IRF5: variants seen among roughly 807,000 people sequenced by gnomAD.
IRF5 encodes interferon regulatory factor 5.
Under a neutral mutation model 55.1 loss-of-function variants are expected in IRF5, and 24 were observed. The observed-to-expected ratio is 0.44, with a 90% CI of 0.32 to 0.61. IRF5 has a LOEUF of 0.61. IRF5 is among the 20% of genes least tolerant of loss of function. The pLI, the probability that IRF5 is intolerant of heterozygous loss-of-function variation, is 0.07. For missense variants in IRF5, 499 were observed against 658.5 expected (o/e 0.76, Z 2.65); for synonymous variants, 258 against 260.2 (o/e 0.99, Z 0.08).
chr7:128,947,363 G>C lies in IRF5; in HGVS notation c.615G>C (p.Val205=). 6.8e-6 allele frequency: 11 copies of C among 1,609,560 alleles called. No homozygotes were observed. Among genetic ancestry groups the C allele is most frequent in the Non-Finnish European group, 9.3e-6 (11 of 1,178,478 alleles). The change falls in exon 6 of 9, where the codon GTG becomes GTC. Residue 205 remains valine (V), a synonymous_variant. Transcript: ENST00000357234. The surrounding 1 kb of genome is among the most constrained non-coding windows in gnomAD (Gnocchi z 6.5). The stretch of plus-strand genomic sequence containing the variant: ...CGCCCACTCTGCAGCCGCCCGTGGT[G>C]CTGGGTCCCCCTGCTCCAGACCCCA... ...LQPPTLQPPV[V]LGPPAPDPSP...
rs752506510 is a variant in IRF5 at position 128,948,668 on chromosome 7, C to T, written c.1395C>T (p.Asp465=). Residue 465 remains aspartate (D), a synonymous_variant, in exon 9 of 9, where the codon GAC becomes GAT. Transcript: ENST00000357234. The surrounding 1 kb of genome is among the most constrained non-coding windows in gnomAD (Gnocchi z 4.6). ...DSIRLQISNP[D]LKDRMVEQFK... is the part of the protein sequence containing the mutation. ...TCCGGCTACAGATCTCAAACCCAGACCTCAAAGACCGCATGGTGGAGCAAT... is the reference window on the plus strand; with the variant it reads ...TCCGGCTACAGATCTCAAACCCAGATCTCAAAGACCGCATGGTGGAGCAAT... The T allele has an allele frequency of 6.8e-6, 11 of 1,614,094 alleles. No individual in the cohort carries two copies. The South Asian group carries it at 1.1e-4, about 16-fold the overall frequency.
Position 128,946,929 on chromosome 7 carries a change from C to T in IRF5, c.448-94C>T. The T allele has an allele frequency of 6.7e-7, 1 of 1,497,646 alleles. No homozygotes were observed. Among genetic ancestry groups the T allele is most frequent in the Non-Finnish European group, 9.3e-7 (1 of 1,076,432 alleles). The allele number at this position is 1,497,646 out of a possible 1,614,324, so 92.8% of individuals were successfully genotyped here. On this transcript the variant is annotated intron_variant, in intron 4 of 8. Transcript: ENST00000357234. The surrounding 1 kb of genome is among the most constrained non-coding windows in gnomAD (Gnocchi z 4.2). Reference sequence around the variant, plus strand: ...AGGCTAGGGGAGTTGCCTCATAGTTCTCGCCTGTTATTTCCCCAGCCCCAG... The same window carrying T: ...AGGCTAGGGGAGTTGCCTCATAGTTTTCGCCTGTTATTTCCCCAGCCCCAG...
In IRF5 at chr7:128,947,846, T is replaced by G. The variant is rs1585308306; in HGVS notation, c.905T>G (p.Val302Gly). Residue 302 changes from valine (V) to glycine (G), a missense_variant, in exon 7 of 9, where the codon GTG (valine) becomes GGG (glycine). Val to Gly is a moderately radical substitution (Grantham distance 109, BLOSUM62 -3). Coordinates refer to ENST00000357234, the MANE Select transcript of IRF5 (RefSeq NM_001098629.3). The surrounding 1 kb of genome is among the most constrained non-coding windows in gnomAD (Gnocchi z 6.5). ...CAGCTGGAGGCCACCCAGGAGCAGG[T>G]GGAACTCTTCGGCCCCATAAGCCTG... The part of the protein sequence containing the change: ...YSQLEATQEQ[V>G]ELFGPISLEQ... 6.2e-7 allele frequency: 1 copy of G among 1,613,842 alleles called. No individual in the cohort carries two copies. Among genetic ancestry groups the G allele is most frequent in the Non-Finnish European group, 8.5e-7 (1 of 1,179,954 alleles).
chr7:128,947,125 A>AG lies in IRF5; in HGVS notation c.481+74dup. On this transcript the variant is annotated intron_variant, in intron 5 of 8. Transcript: ENST00000357234. This position sits in a 1 kb window ranked among gnomAD's most constrained non-coding sequence, Gnocchi z 6.5. ...GCTATAGGTACCATAGGTACCTGGA[A>AG]GGGGGCTGATGGGAGGCTAGGGTGG... is the stretch of plus-strand genomic sequence containing the variant. 1 of 1,613,444 alleles carries AG rather than the reference A, an allele frequency of 6.2e-7. No individual in the cohort carries two copies. The highest frequency in any genetic ancestry group is 8.5e-7 in the Non-Finnish European group (1 of 1,179,552).
rs201659973 is a variant in IRF5, at chr7:128,947,371, C to T, written c.623C>T (p.Pro208Leu). Residue 208 changes from proline to leucine, a missense_variant, in exon 6 of 9, where the codon CCC becomes CTC. Pro to Leu is a moderately conservative substitution (Grantham distance 98). Transcript: ENST00000357234. The surrounding 1 kb of genome is among the most constrained non-coding windows in gnomAD (Gnocchi z 6.5). ...PTLQPPVVLG[P>L]PAPDPSPLAP... ...CTGCAGCCGCCCGTGGTGCTGGGTCCCCCTGCTCCAGACCCCAGCCCCCTG... is the reference window on the plus strand; with the variant it reads ...CTGCAGCCGCCCGTGGTGCTGGGTCTCCCTGCTCCAGACCCCAGCCCCCTG... 94 of 1,610,170 alleles carry T rather than the reference C, an allele frequency of 5.8e-5. No homozygotes were observed. In the African/African-American group the frequency reaches 9.8e-4, roughly 17 times the overall value.
At position 128,947,831 on chromosome 7, in the gene IRF5, C is replaced by A. The variant is rs1226564674; in HGVS notation, c.890C>A (p.Ala297Asp). The change falls in exon 7 of 9, where the codon GCC (alanine) becomes GAC (aspartate). Residue 297 changes from alanine to aspartate, a missense_variant. By Grantham distance (126) the Ala-to-Asp change is moderately radical (BLOSUM62 -2). Around this residue, in one of 2 missense-constraint regions of IRF5, gnomAD observed 194 missense variants for 318.3 expected, o/e 0.61. Transcript: ENST00000357234. This position sits in a 1 kb window ranked among gnomAD's most constrained non-coding sequence, Gnocchi z 6.5. ...CGGCTCTTCTACAGCCAGCTGGAGG[C>A]CACCCAGGAGCAGGTGGAACTCTTC... is the stretch of plus-strand genomic sequence containing the variant. ...GCRLFYSQLE[A>D]TQEQVELFGP... 1 of 1,613,910 alleles carries A rather than the reference C, an allele frequency of 6.2e-7. No homozygotes were observed. The highest frequency in any genetic ancestry group is 8.5e-7 in the Non-Finnish European group (1 of 1,179,954).
Position 128,947,375 on chromosome 7 carries a change from T to G in IRF5, c.627T>G (p.Pro209=), listed in dbSNP as rs1334430290. The change falls in exon 6 of 9, where the codon CCT becomes CCG. Residue 209 remains proline, a synonymous_variant. Coordinates refer to ENST00000357234, the MANE Select transcript of IRF5 (RefSeq NM_001098629.3). The surrounding 1 kb of genome is among the most constrained non-coding windows in gnomAD (Gnocchi z 6.5). ...AGCCGCCCGTGGTGCTGGGTCCCCC[T>G]GCTCCAGACCCCAGCCCCCTGGCTC... The part of the protein sequence containing the change: ...TLQPPVVLGP[P]APDPSPLAPP... 6.2e-7 allele frequency: 1 copy of G among 1,610,266 alleles called. No homozygotes were observed. Among genetic ancestry groups the G allele is most frequent in the African/African-American group, 1.3e-5 (1 of 74,826 alleles).
rs779108354 is a variant in IRF5, at chr7:128,946,512, C to T, written c.397C>T (p.Pro133Ser). The T allele has an allele frequency of 6.2e-7, 1 of 1,608,294 alleles. No homozygotes were observed. The highest frequency in any genetic ancestry group is 1.1e-5 in the South Asian group (1 of 89,440). ...TCCCTGCTGTGCAGACTCCCAGCCC[C>T]CTGAGGATTACTCTTTTGGTGCAGG... ...NGPAPTDSQP[P>S]EDYSFGAGEE... The change falls in exon 4 of 9, where the codon CCT becomes TCT. Residue 133 changes from proline to serine, a missense_variant. Pro to Ser is a moderately conservative substitution (Grantham distance 74, BLOSUM62 -1). This residue lies in a region of IRF5 where 305 missense variants were observed against 340.2 expected (regional missense o/e 0.90). Transcript: ENST00000357234. This position sits in a 1 kb window ranked among gnomAD's most constrained non-coding sequence, Gnocchi z 4.2.
intron 2 of IRF5, among the ~76,000 whole-genome samples, chr7:128,943,726 T>TG (rs1475376030): frequency 8.6e-6 from 1 of 116,928 alleles, no homozygotes; most frequent in Admixed American, 8.7e-5. Flanking sequence ...TTTTTTTTTT[T>TG]TTTTTTTTTT....
chr7:128,946,017 A>G lies in IRF5; in HGVS notation c.368A>G (p.Asn123Ser), dbSNP rs773718383. ...QPYKIYEVCS[N>S]GPAPTDSQPP... ...TACAAGATCTACGAGGTCTGCTCCA[A>G]TGGCCCTGCTCCCACAGGTATCAGG... The change falls in exon 3 of 9, where the codon AAT (asparagine) becomes AGT (serine). Residue 123 changes from asparagine to serine, a missense_variant. This residue lies in a region of IRF5 where 305 missense variants were observed against 340.2 expected (regional missense o/e 0.90). Coordinates refer to ENST00000357234, the MANE Select transcript of IRF5 (RefSeq NM_001098629.3). The surrounding 1 kb of genome is among the most constrained non-coding windows in gnomAD (Gnocchi z 4.2). 7 of 1,605,792 alleles carry G rather than the reference A, an allele frequency of 4.4e-6. No homozygotes were observed. The East Asian group carries it at 1.6e-4, about 36-fold the overall frequency.
At position 128,949,231 on chromosome 7, in the gene IRF5, C is replaced by A. The variant is rs1796498166; in HGVS notation, c.*413C>A. On this transcript the variant is annotated 3_prime_UTR_variant, in exon 9 of 9. Transcript: ENST00000357234. ...GCCCTGATTTCCCTGGTTTGAGACT[C>A]ACTTCCTCATCTCCCTGTCCTCTGA... 1 of 185,302 alleles carries A rather than the reference C, an allele frequency of 5.4e-6. No individual in the cohort carries two copies. Among genetic ancestry groups the A allele is most frequent in the Non-Finnish European group, 1.1e-5 (1 of 88,456 alleles). The allele number at this position is 185,302 out of a possible 1,614,324, so 11.5% of individuals were successfully genotyped here. A position where few individuals can be genotyped will look rare whatever the true frequency, so the allele number is the denominator to read the frequency against.
intron 2 of IRF5, among the ~76,000 whole-genome samples, chr7:128,943,666 G>A (rs575742824): frequency 1.4e-5 from 2 of 140,718 alleles, no homozygotes; most frequent in South Asian, 2.2e-4. Context: ...TCAGCCTCCC[G>A]AGTAGCTAGG....
rs570386429 is a variant in IRF5 at position 128,949,972 on chromosome 7, A to AGATGCCCAATCTT, written c.*1163_*1175dup. On this transcript the variant is annotated 3_prime_UTR_variant, in exon 9 of 9. Coordinates refer to ENST00000357234, the MANE Select transcript of IRF5 (RefSeq NM_001098629.3). ...GCTGCCCCAGGCCCTTACCAGGTGCAGATGCCCAATCTTGATGCCCAGCCA... is the reference window on the plus strand; with the variant it reads ...GCTGCCCCAGGCCCTTACCAGGTGCAGATGCCCAATCTTGATGCCCAATCTTGATGCCCAGCCA... 2.5e-3 allele frequency: 383 copies of AGATGCCCAATCTT among 152,314 alleles called. No homozygotes were observed. Among genetic ancestry groups the AGATGCCCAATCTT allele is most frequent in the African/African-American group, 8.8e-3 (367 of 41,562 alleles). 9.4% of individuals were successfully genotyped at this position (152,314 alleles called of 1,614,324 possible). A position where few individuals can be genotyped will look rare whatever the true frequency, so the allele number is the denominator to read the frequency against.
chr7:128,946,059 C>A lies in IRF5; in HGVS notation c.385+25C>A. On this transcript the variant is annotated intron_variant, in intron 3 of 8. Coordinates refer to ENST00000357234, the MANE Select transcript of IRF5 (RefSeq NM_001098629.3). The surrounding 1 kb of genome is among the most constrained non-coding windows in gnomAD (Gnocchi z 4.2). The stretch of plus-strand genomic sequence containing the variant: ...GGTATCAGGCCTAGCCCTCTGTGGG[C>A]CACCTGGGAGGCTGTGCAATGTCCT... 2 of 1,552,890 alleles carry A rather than the reference C, an allele frequency of 1.3e-6. No homozygotes were observed. Among genetic ancestry groups the A allele is most frequent in the Non-Finnish European group, 1.7e-6 (2 of 1,151,974 alleles).
In IRF5 at chr7:128,947,479, C is replaced by A; in HGVS notation, c.731C>A (p.Pro244His). Residue 244 changes from proline (P) to histidine (H), a missense_variant, in exon 6 of 9, where the codon CCC becomes CAC. Transcript: ENST00000357234. The surrounding 1 kb of genome is among the most constrained non-coding windows in gnomAD (Gnocchi z 6.5). ...LEPGPLPASL[P>H]PAGEQLLPDL... is the part of the protein sequence containing the mutation. ...CCTGGGCCCCTGCCTGCCAGCCTGCCCCCTGCAGGCGAACAGCTCCTGCCA... is the reference window on the plus strand; with the variant it reads ...CCTGGGCCCCTGCCTGCCAGCCTGCACCCTGCAGGCGAACAGCTCCTGCCA... 6.2e-7 allele frequency: 1 copy of A among 1,606,328 alleles called. No homozygotes were observed. Among genetic ancestry groups the A allele is most frequent in the South Asian group, 1.1e-5 (1 of 90,442 alleles).
In IRF5 at chr7:128,942,246, C is replaced by T; in HGVS notation, c.165C>T (p.Pro55=). The T allele has an allele frequency of 1.9e-6, 3 of 1,613,568 alleles. No individual in the cohort carries two copies. The highest frequency in any genetic ancestry group is 1.7e-6 in the Non-Finnish European group (2 of 1,179,720). Residue 55 remains proline, a synonymous_variant, in exon 2 of 9, where the codon CCC becomes CCT. Coordinates refer to ENST00000357234, the MANE Select transcript of IRF5 (RefSeq NM_001098629.3). ...IPWRHATRHG[P]SQDGDNTIFK... The stretch of plus-strand genomic sequence containing the variant: ...GGAGGCATGCCACAAGGCATGGTCC[C>T]AGCCAGGACGGAGATAACACCATCT...
rs956621575 is a variant in IRF5 at position 128,948,976 on chromosome 7, G to C, written c.*158G>C. ...CCAAGAAGGAGAGGGAGAAAGGCCCGAGCCCCTGCCTTCCCGGGCCTTTCT... is the reference window on the plus strand; with the variant it reads ...CCAAGAAGGAGAGGGAGAAAGGCCCCAGCCCCTGCCTTCCCGGGCCTTTCT... On this transcript the variant is annotated 3_prime_UTR_variant, in exon 9 of 9. Coordinates refer to ENST00000357234, the MANE Select transcript of IRF5 (RefSeq NM_001098629.3). The surrounding 1 kb of genome is among the most constrained non-coding windows in gnomAD (Gnocchi z 4.6). 6 of 860,408 alleles carry C rather than the reference G, an allele frequency of 7.0e-6. No homozygotes were observed. Among genetic ancestry groups the C allele is most frequent in the Non-Finnish European group, 1.0e-5 (6 of 573,356 alleles). 53.3% of individuals were successfully genotyped at this position (860,408 alleles called of 1,614,324 possible). A position where few individuals can be genotyped will look rare whatever the true frequency, so the allele number is the denominator to read the frequency against.
chr7:128,949,060 G>C lies in IRF5; in HGVS notation c.*242G>C, dbSNP rs1796490160. The C allele has an allele frequency of 1.8e-6, 1 of 546,360 alleles. No homozygotes were observed. The allele number at this position is 546,360 out of a possible 1,614,324, so 33.8% of individuals were successfully genotyped here. ...TCTCGGGAAATTCAGCCATGAGCAG[G>C]GAAAGAACTCTCCCAACCCTGGGGC... On this transcript the variant is annotated 3_prime_UTR_variant, in exon 9 of 9. Coordinates refer to ENST00000357234, the MANE Select transcript of IRF5 (RefSeq NM_001098629.3).
At chr7:128,942,818 T>A (rs1305391778) in intron 2 of IRF5, among the ~76,000 whole-genome samples, 1 of 152,112 alleles carries the variant, frequency 6.6e-6, no homozygotes, top group East Asian at 1.9e-4. Context: ...TTAGTATATA[T>A]TTATGGGGTA....
Sources: allele counts gnomAD v4.1 joint callset (sites outside exome capture counted in the v4.1 genomes callset), GRCh38; gene constraint gnomAD v4.1.1; regional missense constraint gnomAD v4.1.1; non-coding constraint Gnocchi (gnomAD v3.1); transcripts MANE v1.5; gene names NCBI Gene and HGNC (gene_info 2026-07-23, HGNC 2026-07-21).